DNAH7: variants seen among roughly 807,000 people sequenced by gnomAD.
DNAH7 encodes axonemal beta dynein heavy chain 7.
Under a neutral mutation model 444.6 loss-of-function variants are expected in DNAH7, and 397 were observed. That is an observed-to-expected ratio of 0.89 (90% confidence interval 0.82 to 0.97). The LOEUF (loss-of-function observed/expected upper bound fraction) is 0.97. DNAH7 is among the 50% of genes least tolerant of loss of function. The pLI, the probability that DNAH7 is intolerant of heterozygous loss-of-function variation, is 0.00. For missense variants in DNAH7, 4,902 were observed against 4,800.8 expected (o/e 1.02, Z -0.62); for synonymous variants, 1,636 against 1,624.4 (o/e 1.01, Z -0.17).
rs776738658 is a variant in DNAH7 at position 195,875,855 on chromosome 2, A to C, written c.6118-12T>G. 1 of 1,592,778 alleles carries C rather than the reference A, an allele frequency of 6.3e-7. No homozygotes were observed. Among genetic ancestry groups the C allele is most frequent in the East Asian group, 2.2e-5 (1 of 44,760 alleles). ...TCTACAAAGACAACCTGAGAATGAG[A>C]AGAGAAGAGGTACAGAAAATATTAA... On this transcript the variant is annotated splice_polypyrimidine_tract_variant and intron_variant, in intron 37 of 64. Transcript: ENST00000312428.
intron 61 of DNAH7, among the ~76,000 whole-genome samples, chr2:195,760,881 T>C (rs1025670393): frequency 2.0e-5 from 3 of 151,948 alleles, no homozygotes; most frequent in Non-Finnish European, 4.4e-5. Flanking sequence ...GCCCACATAC[T>C]GACAAACATC....
At chr2:195,921,891 A>AG (rs1688049763) in intron 24 of DNAH7, among the ~76,000 whole-genome samples, 197 bp downstream of exon 24, 1 of 152,188 alleles carries the variant, frequency 6.6e-6, no homozygotes, top group Non-Finnish European at 1.5e-5. Context: ...TAATACTTAG[A>AG]GCCCTAGTAT....
intron 19 of DNAH7, among the ~76,000 whole-genome samples, chr2:195,947,491 T>A (rs1490090055): frequency 2.0e-5 from 3 of 152,104 alleles, no homozygotes; most frequent in African/African-American, 7.2e-5. Flanking sequence ...CCCCTCCCTG[T>A]GTCCATGTGT....
At chr2:195,845,967 G>A (rs1698967632) in intron 46 of DNAH7, among the ~76,000 whole-genome samples, 1 of 152,136 alleles carries the variant, frequency 6.6e-6, no homozygotes, top group South Asian at 2.1e-4. Flanking sequence ...AAATGGCAAG[G>A]ATGCCAAAAA....
At chr2:195,851,299 G>A (rs1699347611) in intron 46 of DNAH7, among the ~76,000 whole-genome samples, 1 of 152,222 alleles carries the variant, frequency 6.6e-6, no homozygotes, top group African/African-American at 2.4e-5. Context: ...ACATGAGAGT[G>A]ACATGAGAGA....
intron 35 of DNAH7, among the ~76,000 whole-genome samples, chr2:195,882,746 T>C (rs931761467): frequency 2.0e-5 from 3 of 152,188 alleles, no homozygotes; most frequent in Admixed American, 1.3e-4. Context: ...TCTTGCAGAA[T>C]AAAATCTAAA....
intron 24 of DNAH7, among the ~76,000 whole-genome samples, chr2:195,919,236 TAA>T (rs759816585): frequency 1.5e-4 from 21 of 139,520 alleles, no homozygotes; most frequent in Middle Eastern, 3.6e-3. Context: ...AGACTTTGTT[TAA>T]AAAAAAAAAA....
chr2:195,987,345 T>C (rs964324724), intron 13 of DNAH7, 152 bp from the exon 14 acceptor site: 6 of 546,932 alleles, frequency 1.1e-5, no homozygotes, highest in South Asian at 6.9e-5. Context: ...GTTTTCCAAA[T>C]AATCATTTGT....
At chr2:195,827,897 G>T (rs1316881070) in intron 48 of DNAH7, among the ~76,000 whole-genome samples, 1 of 151,976 alleles carries the variant, frequency 6.6e-6, no homozygotes, top group African/African-American at 2.4e-5. Context: ...TTTTATATTT[G>T]CCTGTATTTC....
chr2:195,896,649 A>G (rs1392424595), intron 29 of DNAH7, among the ~76,000 whole-genome samples: 1 of 152,184 alleles, frequency 6.6e-6, no homozygotes, highest in African/African-American at 2.4e-5. Flanking sequence ...ATGACAATAC[A>G]TCTAGTGAGG....
chr2:195,876,462 T>G lies in DNAH7; in HGVS notation c.6117+82A>C, dbSNP rs959932309. ...TTAAAAAACTATACAAAAAGATGTC[T>G]CTCCCCAGGATATTTGGTTTCCTTG... On this transcript the variant is annotated intron_variant, in intron 37 of 64. Transcript: ENST00000312428. 10 of 1,336,368 alleles carry G rather than the reference T, an allele frequency of 7.5e-6. No individual in the cohort carries two copies. The African/African-American group carries it at 1.5e-4, about 20-fold the overall frequency. 82.8% of individuals were successfully genotyped at this position (1,336,368 alleles called of 1,614,324 possible).
At chr2:195,796,820 CTAT>C in intron 55 of DNAH7, 83 bp from the exon 56 acceptor site, 1 of 1,422,528 alleles carries the variant, frequency 7.0e-7, no homozygotes, top group Non-Finnish European at 9.4e-7. Context: ...TTAACATTGA[CTAT>C]ATTACAACTT....
chr2:195,922,198 C>T lies in DNAH7; in HGVS notation c.3826-1G>A. On this transcript the variant is annotated splice_acceptor_variant, in intron 23 of 64. Transcript: ENST00000312428. LOFTEE classifies it high-confidence loss of function. ...TCATTTTTGTTTCTAAATGATTTTC[C>T]TAGGATAAATCAAATAAAATGAAGT... 1 of 1,555,402 alleles carries T rather than the reference C, an allele frequency of 6.4e-7. No homozygotes were observed. Among genetic ancestry groups the T allele is most frequent in the South Asian group, 1.1e-5 (1 of 88,990 alleles).
In DNAH7 at chr2:195,845,057, T is replaced by G; in HGVS notation, c.8890A>C (p.Asn2964His). 1 of 1,613,932 alleles carries G rather than the reference T, an allele frequency of 6.2e-7. No homozygotes were observed. Among genetic ancestry groups the G allele is most frequent in the Non-Finnish European group, 8.5e-7 (1 of 1,179,908 alleles). Residue 2964 changes from asparagine to histidine, a missense_variant, in exon 47 of 65, where the codon AAT becomes CAT. Coordinates refer to ENST00000312428, the MANE Select transcript of DNAH7 (RefSeq NM_018897.3). ...GAGTCAGAAGGTAATCCAGCAATAT[T>G]CCAAGTTCGAATTGTCACAGCTTCT... ...LGEAVTIRTWNIAGLPSDSFS... is the reference protein window; with the variant it reads ...LGEAVTIRTWHIAGLPSDSFS...
intron 64 of DNAH7, among the ~76,000 whole-genome samples, chr2:195,740,421 A>T (rs1438248959): frequency 6.6e-6 from 1 of 152,110 alleles, no homozygotes; most frequent in South Asian, 2.1e-4. Context: ...CTTTAAACAG[A>T]CACAAAATAA....
At chr2:195,967,824 CT>C (rs1319345032) in intron 17 of DNAH7, among the ~76,000 whole-genome samples, 1 of 152,170 alleles carries the variant, frequency 6.6e-6, no homozygotes, top group African/African-American at 2.4e-5. Flanking sequence ...AGGTAGTCTT[CT>C]TTGGGTTAAA....
At chr2:195,930,982 A>G (rs1220271336) in intron 21 of DNAH7, among the ~76,000 whole-genome samples, 3 of 152,100 alleles carry the variant, frequency 2.0e-5, no homozygotes, top group Non-Finnish European at 4.4e-5. Context: ...AACCTTAGGT[A>G]CTCATGGTCA....
intron 15 of DNAH7, among the ~76,000 whole-genome samples, chr2:195,982,189 T>C (rs959818801): frequency 1.1e-4 from 17 of 152,026 alleles, no homozygotes; most frequent in African/African-American, 3.9e-4. Context: ...ATAGATATTT[T>C]TCAAAAGACA....
intron 7 of DNAH7, among the ~76,000 whole-genome samples, chr2:196,024,896 T>G (rs1016596376): frequency 1.3e-5 from 2 of 151,692 alleles, no homozygotes; most frequent in African/African-American, 4.8e-5. Context: ...CCTCTGTATC[T>G]GCAGGTTCTG....
Sources: allele counts gnomAD v4.1 joint callset (sites outside exome capture counted in the v4.1 genomes callset), GRCh38; gene constraint gnomAD v4.1.1; transcripts MANE v1.5; gene names NCBI Gene and HGNC (gene_info 2026-07-23, HGNC 2026-07-21).